The following SV2C variants were observed in gnomAD, a reference collection of about 807,000 sequenced individuals.
SV2C encodes synaptic vesicle glycoprotein 2C.
A neutral mutation model predicts 79.7 loss-of-function variants in SV2C; 49 were observed. The ratio of observed to expected loss-of-function variants is 0.61; its 90% confidence interval spans 0.49 to 0.78. The LOEUF is 0.78. Ranked by LOEUF, SV2C falls within the 30% of genes least tolerant of loss-of-function variation. SV2C has a pLI of 0.00. For missense variants in SV2C, 833 were observed against 912.9 expected, an observed-to-expected ratio of 0.91 and a Z score of 1.13; for synonymous variants, 334 against 333.2, an observed-to-expected ratio of 1.00 and a Z score of -0.03.
chr5:76,336,214 G>A (rs1372604299), downstream of SV2C, among the ~76,000 whole-genome samples: 5 of 152,090 alleles, frequency 3.3e-5, no homozygotes, highest in Admixed American at 6.5e-5. Flanking sequence ...TTCCCAGACG[G>A]GGTGGCTGCC....
the SV2C span, among the ~76,000 whole-genome samples, chr5:75,873,403 G>A: frequency 6.6e-6 from 1 of 151,836 alleles, no homozygotes; most frequent in East Asian, 1.9e-4. Context: ...AATTAAATTG[G>A]CAAAGTTTAG....
chr5:76,288,071 A>C (rs1363508626), intron 6 of SV2C, among the ~76,000 whole-genome samples: 1 of 149,448 alleles, frequency 6.7e-6, no homozygotes, highest in African/African-American at 2.5e-5. Context: ...GCAACAGAGC[A>C]CGACTCCATC....
chr5:75,937,210 G>A, the SV2C span, among the ~76,000 whole-genome samples: 1 of 152,222 alleles, frequency 6.6e-6, no homozygotes, highest in African/African-American at 2.4e-5. Context: ...CATACCATAT[G>A]GAGCAAGCAT....
the SV2C span, among the ~76,000 whole-genome samples, chr5:75,934,187 G>A: frequency 6.6e-6 from 1 of 152,004 alleles, no homozygotes; most frequent in Admixed American, 6.6e-5. Flanking sequence ...GGAGCAATGA[G>A]CACCTTAATT....
At chr5:75,849,052 A>G in the SV2C span, among the ~76,000 whole-genome samples, 3 of 152,118 alleles carry the variant, frequency 2.0e-5, no homozygotes, top group Non-Finnish European at 4.4e-5. Flanking sequence ...CACCCCCACC[A>G]GCCCCTTCTA....
chr5:76,018,836 G>T, the SV2C span, among the ~76,000 whole-genome samples: 19 of 152,300 alleles, frequency 1.2e-4, no homozygotes, highest in East Asian at 3.1e-3. Flanking sequence ...GCTGACCATT[G>T]ATTCCCTGAA....
Position 76,242,370 on chromosome 5 carries a change from G to A in SV2C, c.913+32483G>A, listed in dbSNP as rs1260815344. On this transcript the variant is annotated intron_variant, in intron 4 of 12. Transcript: ENST00000502798. Reference sequence around the variant, plus strand: ...GCGGCGCGCGGGCTTTGGTCGGACCGGGGGTCGTTCTCGCCTCTTCTTCAC... The same window carrying A: ...GCGGCGCGCGGGCTTTGGTCGGACCAGGGGTCGTTCTCGCCTCTTCTTCAC... The A allele has an allele frequency of 6.6e-6, 7 of 1,068,078 alleles. No individual in the cohort carries two copies. In the African/African-American group the frequency reaches 7.9e-5, roughly 12 times the overall value. The allele number at this position is 1,068,078 out of a possible 1,614,324, so 66.2% of individuals were successfully genotyped here. A position where few individuals can be genotyped will look rare whatever the true frequency, so the allele number is the denominator to read the frequency against.
intron 2 of SV2C, among the ~76,000 whole-genome samples, chr5:76,139,044 G>A (rs538905332): frequency 3.7e-4 from 57 of 152,202 alleles, no homozygotes; most frequent in South Asian, 2.1e-3. Flanking sequence ...GCATGAACCC[G>A]GGAGGCAGAG....
chr5:75,980,868 T>C, the SV2C span, among the ~76,000 whole-genome samples: 1 of 152,082 alleles, frequency 6.6e-6, no homozygotes, highest in African/African-American at 2.4e-5. Flanking sequence ...GCCAGGGCAA[T>C]CAGGCAAGAG....
chr5:75,971,593 A>G, the SV2C span, among the ~76,000 whole-genome samples: 1 of 152,164 alleles, frequency 6.6e-6, no homozygotes, highest in African/African-American at 2.4e-5. Context: ...AAAGAGAATA[A>G]CATACCTAGG....
chr5:75,878,012 C>T, the SV2C span, among the ~76,000 whole-genome samples: 5 of 150,808 alleles, frequency 3.3e-5, no homozygotes, highest in Non-Finnish European at 7.4e-5. Flanking sequence ...GATGCTGGAA[C>T]ACATCTGTAA....
At chr5:76,209,674 C>G (rs1561265191) in intron 3 of SV2C, 62 bp from the exon 4 acceptor site, 1 of 1,535,260 alleles carries the variant, frequency 6.5e-7, no homozygotes, top group East Asian at 2.3e-5. Flanking sequence ...TGGCTCTGCC[C>G]TTTGCGTCTC....
At chr5:76,064,341 C>T in the SV2C span, among the ~76,000 whole-genome samples, 1 of 152,134 alleles carries the variant, frequency 6.6e-6, no homozygotes, top group Admixed American at 6.6e-5. Context: ...TCCACAAGGG[C>T]TCCTCCCACC....
chr5:76,267,423 T>C lies in SV2C; in HGVS notation c.914-17739T>C, dbSNP rs560945716. On this transcript the variant is annotated intron_variant, in intron 4 of 12. Coordinates refer to ENST00000502798, the MANE Select transcript of SV2C (RefSeq NM_014979.4). ...ATCTATATGAAGTCCAAGTACAATA[T>C]GATGATTTTTTTCATTACTTGATGG... is the stretch of plus-strand genomic sequence containing the variant. Among the ~76,000 whole-genome samples the C allele has an allele frequency of 5.9e-5, 9 of 152,344 alleles. No homozygotes were observed. In the South Asian group the frequency reaches 1.9e-3, roughly 32 times the overall value.
chr5:75,989,087 A>T, the SV2C span, among the ~76,000 whole-genome samples: 5 of 151,930 alleles, frequency 3.3e-5, no homozygotes, highest in Admixed American at 6.6e-5. Flanking sequence ...ACAAAAAAGG[A>T]TTAATTTGTC....
chr5:76,349,061 T>C (rs1749597052), intron 12 of SV2C, among the ~76,000 whole-genome samples: 1 of 152,168 alleles, frequency 6.6e-6, no homozygotes, highest in Admixed American at 6.5e-5. Flanking sequence ...CCATACTCTA[T>C]CATGTCTAAC....
the SV2C span, among the ~76,000 whole-genome samples, chr5:75,984,407 T>C: frequency 6.6e-6 from 1 of 152,096 alleles, no homozygotes; most frequent in Non-Finnish European, 1.5e-5. Context: ...TGACCTAATA[T>C]AAATCTTGCA....
At chr5:76,158,384 A>G (rs533161101) in intron 2 of SV2C, among the ~76,000 whole-genome samples, 1 of 151,338 alleles carries the variant, frequency 6.6e-6, no homozygotes, top group African/African-American at 2.4e-5. Context: ...CACCCACAAG[A>G]AAGCTGGAGA....
At chr5:76,048,969 AAG>A in the SV2C span, among the ~76,000 whole-genome samples, 3 of 63,328 alleles carry the variant, frequency 4.7e-5, no homozygotes, top group Non-Finnish European at 6.4e-5. Flanking sequence ...GAAAAAGAGA[AAG>A]AAAGAAAGAA....
Sources: allele counts gnomAD v4.1 joint callset (sites outside exome capture counted in the v4.1 genomes callset), GRCh38; gene constraint gnomAD v4.1.1; transcripts MANE v1.5; gene names NCBI Gene and HGNC (gene_info 2026-07-23, HGNC 2026-07-21).